Variants in CMIP observed in about 807,000 individuals in gnomAD.
CMIP encodes the protein C-Maf-inducing protein.
In CMIP, 13 loss-of-function variants were observed where a neutral mutation model predicts 97.3. That is an observed-to-expected ratio of 0.13 (90% CI 0.09 to 0.21). CMIP has a LOEUF of 0.21. CMIP is among the 10% of genes least tolerant of loss of function. CMIP has a pLI of 1.00. For synonymous variants in CMIP, 538 were observed against 436.3 expected, an observed-to-expected ratio of 1.23 and a Z score of -2.91; for missense variants, 847 against 1,024.9, an observed-to-expected ratio of 0.83 and a Z score of 2.37.
chr16:81,677,398 G>A (rs1334570101), intron 9 of CMIP, among the ~76,000 whole-genome samples: 1 of 152,200 alleles, frequency 6.6e-6, no homozygotes, highest in South Asian at 2.1e-4. Context: ...GTTCAGTGAT[G>A]TGTTTGAGCA....
chr16:81,586,098 CT>C (rs1008861922), intron 1 of CMIP, among the ~76,000 whole-genome samples: 11 of 117,468 alleles, frequency 9.4e-5, no homozygotes, highest in Non-Finnish European at 1.1e-4. Context: ...GTGCTCCTAT[CT>C]TTTTTTTTTC....
At chr16:81,484,324 C>T (rs1272568133) in intron 1 of CMIP, among the ~76,000 whole-genome samples, 1 of 152,252 alleles carries the variant, frequency 6.6e-6, no homozygotes, top group Non-Finnish European at 1.5e-5. Flanking sequence ...GAAGCCAAAA[C>T]CGCCTGTGAA....
At chr16:81,502,208 G>A (rs1449584393) in intron 1 of CMIP, among the ~76,000 whole-genome samples, 2 of 152,220 alleles carry the variant, frequency 1.3e-5, no homozygotes, top group African/African-American at 2.4e-5. Flanking sequence ...CGGGACCTGG[G>A]CTGACAGTTG....
In CMIP at chr16:81,670,183, G is replaced by A; in HGVS notation, c.867G>A (p.Glu289=). The change falls in exon 8 of 21, where the codon GAG becomes GAA. Residue 289 remains glutamate (E), a synonymous_variant. Transcript: ENST00000537098. Reference sequence around the variant, plus strand: ...CGCGACTGAGGCTGTTTACTCAGGAGTACATCCTTGCCTTGAACGAGCTCA... The same window carrying A: ...CGCGACTGAGGCTGTTTACTCAGGAATACATCCTTGCCTTGAACGAGCTCA... ...KCPRLRLFTQ[E]YILALNELNA... is the part of the protein sequence containing the mutation. The A allele has an allele frequency of 6.2e-7, 1 of 1,611,792 alleles. No individual in the cohort carries two copies. Among genetic ancestry groups the A allele is most frequent in the Non-Finnish European group, 8.5e-7 (1 of 1,179,142 alleles).
chr16:81,687,022 C>A lies in CMIP; in HGVS notation c.1389-4753C>A, dbSNP rs7202777. 9.9e-3 allele frequency among the ~76,000 whole-genome samples: 1,507 copies of A among 152,292 alleles called. 20 individuals carry two copies. The highest frequency in any genetic ancestry group is 0.034 in the African/African-American group (1,423 of 41,552). On this transcript the variant is annotated intron_variant, in intron 10 of 20. Transcript: ENST00000537098. ...CTGGACAAGGGTTCAGATCCCACCT[C>A]CTGCCCCAGTGCAAGCCAGGATCGA...
At chr16:81,613,218 T>G (rs1179483317) in intron 2 of CMIP, among the ~76,000 whole-genome samples, 1 of 152,098 alleles carries the variant, frequency 6.6e-6, no homozygotes, top group Non-Finnish European at 1.5e-5. Flanking sequence ...CAAGGTGAGG[T>G]CTCCTGCGTG....
At chr16:81,602,153 G>A (rs747122528) in intron 1 of CMIP, among the ~76,000 whole-genome samples, 2 of 152,216 alleles carry the variant, frequency 1.3e-5, no homozygotes, top group Non-Finnish European at 2.9e-5. Context: ...TGAGAGCAGG[G>A]ATGAAATTGA....
intron 1 of CMIP, among the ~76,000 whole-genome samples, chr16:81,505,336 C>T (rs1379980703): frequency 6.6e-6 from 1 of 152,160 alleles, no homozygotes; most frequent in Non-Finnish European, 1.5e-5. Context: ...GTGTGGAGGC[C>T]ATGTTGTTGT....
At chr16:81,580,333 G>A (rs2091274692) in intron 1 of CMIP, among the ~76,000 whole-genome samples, 1 of 152,186 alleles carries the variant, frequency 6.6e-6, no homozygotes, top group Non-Finnish European at 1.5e-5. Flanking sequence ...TGGGCACTAA[G>A]CTAAGGTATT....
intron 1 of CMIP, among the ~76,000 whole-genome samples, chr16:81,513,296 G>T (rs986596765): frequency 1.3e-5 from 2 of 152,232 alleles, no homozygotes; most frequent in Non-Finnish European, 2.9e-5. Context: ...CAGAGGAGCC[G>T]CCTTTCTCTT....
Position 81,458,656 on chromosome 16 carries a change from C to T in CMIP, c.300+13115C>T, listed in dbSNP as rs868082704. ...CAGGGAGGTGGAGGCGTTAAATCCC[C>T]TGCCTGCCCAGGTCAGTCCTTCCCT... is the stretch of plus-strand genomic sequence containing the variant. On this transcript the variant is annotated intron_variant, in intron 1 of 20. Coordinates refer to ENST00000537098, the MANE Select transcript of CMIP (RefSeq NM_198390.3). Among the ~76,000 whole-genome samples the T allele has an allele frequency of 9.9e-5, 15 of 152,280 alleles. No individual in the cohort carries two copies. The Middle Eastern group carries it at 0.01, about 104-fold the overall frequency.
chr16:81,514,237 C>T (rs1377500081), intron 1 of CMIP, among the ~76,000 whole-genome samples: 4 of 152,106 alleles, frequency 2.6e-5, no homozygotes, highest in Non-Finnish European at 5.9e-5. Flanking sequence ...CCAGCCCATG[C>T]AGTTGGAGGG....
intron 1 of CMIP, among the ~76,000 whole-genome samples, chr16:81,456,439 G>A (rs1597445983): frequency 6.6e-6 from 1 of 152,336 alleles, no homozygotes; most frequent in East Asian, 1.9e-4. Context: ...CTGGTGGGGT[G>A]TGAGCACAGG....
At chr16:81,548,130 CTTT>C (rs11351275) in intron 1 of CMIP, among the ~76,000 whole-genome samples, 42 of 111,726 alleles carry the variant, frequency 3.8e-4, no homozygotes, top group Middle Eastern at 4.7e-3. Context: ...GGATGGATCA[CTTT>C]TTTTTTTTTT....
chr16:81,707,095 C>T lies in CMIP; in HGVS notation c.2268+11C>T, dbSNP rs777487714. On this transcript the variant is annotated intron_variant, in intron 20 of 20. Transcript: ENST00000537098. ...TACGAAGATCTGAAGGTAATTCCCT[C>T]CTTCCTCCCCACTCTCCTCCCCTCC... 1.2e-6 allele frequency: 2 copies of T among 1,611,750 alleles called. No homozygotes were observed. The highest frequency in any genetic ancestry group is 2.2e-5 in the South Asian group (2 of 91,038).
At chr16:81,568,787 C>A (rs1039219971) in intron 1 of CMIP, among the ~76,000 whole-genome samples, 9 of 152,220 alleles carry the variant, frequency 5.9e-5, no homozygotes, top group African/African-American at 2.2e-4. Flanking sequence ...AGCAGACCAG[C>A]AACCAGCCTC....
intron 19 of CMIP, among the ~76,000 whole-genome samples, chr16:81,706,283 T>C (rs1908129753): frequency 6.6e-6 from 1 of 152,108 alleles, no homozygotes; most frequent in Non-Finnish European, 1.5e-5. Context: ...GGGGAGGTGC[T>C]GTTGAGTCTG....
At chr16:81,524,897 G>A (rs982688852) in intron 1 of CMIP, among the ~76,000 whole-genome samples, 2 of 151,140 alleles carry the variant, frequency 1.3e-5, no homozygotes, top group Admixed American at 6.6e-5. Flanking sequence ...AGGTTCAAGT[G>A]ATCCTCCTGC....
At chr16:81,658,541 A>G (rs1055432586) in intron 5 of CMIP, among the ~76,000 whole-genome samples, 17 of 152,236 alleles carry the variant, frequency 1.1e-4, no homozygotes, top group African/African-American at 4.1e-4. Flanking sequence ...AGCTTCCTAG[A>G]GGTAGTGCTA....
Sources: allele counts gnomAD v4.1 joint callset (sites outside exome capture counted in the v4.1 genomes callset), GRCh38; gene constraint gnomAD v4.1.1; transcripts MANE v1.5; gene names NCBI Gene and HGNC (gene_info 2026-07-23, HGNC 2026-07-21).